NUP98: variants seen among roughly 807,000 people sequenced by gnomAD.
NUP98 encodes the protein nucleoporin 98 and 96 precursor.
A neutral mutation model predicts 191.9 loss-of-function variants in NUP98; 26 were observed. The observed-to-expected ratio is 0.14, with a 90% CI of 0.10 to 0.19. The LOEUF (loss-of-function observed/expected upper bound fraction) is 0.19, where lower values mean the gene tolerates loss of function less well. Ranked by LOEUF, NUP98 falls within the 10% of genes least tolerant of loss-of-function variation. The pLI, the probability that NUP98 is intolerant of heterozygous loss-of-function variation, is 1.00. For synonymous variants in NUP98, 808 were observed against 778.4 expected (o/e 1.04, Z -0.63); for missense variants, 1,941 against 2,178.8 (o/e 0.89, Z 2.17).
intron 10 of NUP98, among the ~76,000 whole-genome samples, chr11:3,757,673 C>A (rs1292598175): frequency 1.3e-5 from 2 of 151,870 alleles, no homozygotes; most frequent in Non-Finnish European, 2.9e-5. Flanking sequence ...GTGGTGCATG[C>A]CTGTAATCCC....
At chr11:3,742,840 G>A (rs370980186) in intron 12 of NUP98, among the ~76,000 whole-genome samples, 309 of 151,954 alleles carry the variant, frequency 2.0e-3, no homozygotes, top group Non-Finnish European at 3.5e-3. Context: ...ATGTAAGTAC[G>A]CAGCTTAAAT....
Position 3,771,785 on chromosome 11 carries a change from G to A in NUP98, c.747C>T (p.Gly249=). ...GLFSSSTTNS[G]FAYGQNKTAF... ...CAGTTTTGTTCTGACCATATGCAAA[G>A]CCTGAATTAGTGGTGGAGGAGCTGA... Residue 249 remains glycine, a synonymous_variant, in exon 7 of 33, where the codon GGC becomes GGT. Transcript: ENST00000324932. 6.2e-7 allele frequency: 1 copy of A among 1,614,128 alleles called. No homozygotes were observed. Among genetic ancestry groups the A allele is most frequent in the South Asian group, 1.1e-5 (1 of 91,084 alleles).
chr11:3,703,128 GCAA>G (rs1300185391), intron 22 of NUP98, among the ~76,000 whole-genome samples: 1 of 151,608 alleles, frequency 6.6e-6, no homozygotes, highest in African/African-American at 2.4e-5. Context: ...AATAATAAAA[GCAA>G]CAACACTATT....
intron 14 of NUP98, 107 bp from the exon 15 acceptor site, chr11:3,725,326 T>A (rs967056193): frequency 4.9e-6 from 3 of 617,826 alleles, no homozygotes; most frequent in Non-Finnish European, 8.7e-6. Context: ...TCTGCTCAAC[T>A]CTTGTACACC....
chr11:3,790,370 C>T (rs924600787), intron 1 of NUP98, among the ~76,000 whole-genome samples: 7 of 152,144 alleles, frequency 4.6e-5, no homozygotes, highest in Non-Finnish European at 1.0e-4. Context: ...ACCAGCTCTG[C>T]CCTATGAAGC....
intron 14 of NUP98, among the ~76,000 whole-genome samples, chr11:3,727,640 T>C (rs1403795235): frequency 3.3e-5 from 5 of 152,058 alleles, no homozygotes; most frequent in African/African-American, 7.2e-5. Flanking sequence ...GGTGGGGGGA[T>C]TGCTTGAGCC....
At chr11:3,778,236 C>T (rs1186600522) in intron 4 of NUP98, among the ~76,000 whole-genome samples, 1 of 145,436 alleles carries the variant, frequency 6.9e-6, no homozygotes, top group Non-Finnish European at 1.5e-5. Context: ...AAAGAAAATA[C>T]TGATGGCTGG....
At chr11:3,792,427 A>C (rs1390437384) in intron 1 of NUP98, among the ~76,000 whole-genome samples, 2 of 152,082 alleles carry the variant, frequency 1.3e-5, no homozygotes, top group Admixed American at 6.6e-5. Context: ...CATGGTCAAC[A>C]TGTTGAAACC....
intron 13 of NUP98, among the ~76,000 whole-genome samples, chr11:3,734,293 AG>A (rs2079963065): frequency 6.6e-6 from 1 of 152,178 alleles, no homozygotes; most frequent in Non-Finnish European, 1.5e-5. Flanking sequence ...TCGGACTCCC[AG>A]AGTGCTAGGA....
chr11:3,712,758 C>G, intron 19 of NUP98, 30 bp from the exon 20 acceptor site: 1 of 1,603,788 alleles, frequency 6.2e-7, no homozygotes, highest in Middle Eastern at 2.2e-4. Context: ...CACAAAACAA[C>G]TTAAACATTA....
At chr11:3,717,459 T>C (rs900858151) in intron 18 of NUP98, among the ~76,000 whole-genome samples, 1 of 152,192 alleles carries the variant, frequency 6.6e-6, no homozygotes, top group African/African-American at 2.4e-5. Flanking sequence ...GATGCTACTA[T>C]ATATATGAAA....
chr11:3,761,489 G>A (rs2081166048), intron 9 of NUP98, among the ~76,000 whole-genome samples: 1 of 152,154 alleles, frequency 6.6e-6, no homozygotes, highest in Non-Finnish European at 1.5e-5. Context: ...GCCAGGAGTG[G>A]TGGCTCACGT....
At chr11:3,785,298 G>C (rs146480718) in intron 1 of NUP98, among the ~76,000 whole-genome samples, 522 of 152,192 alleles carry the variant, frequency 3.4e-3, no homozygotes, top group Non-Finnish European at 5.9e-3. Flanking sequence ...CTGAAGCTTA[G>C]TAGCAATTCC....
intron 1 of NUP98, among the ~76,000 whole-genome samples, chr11:3,782,886 TAA>T (rs1209456788): frequency 6.6e-6 from 1 of 152,168 alleles, no homozygotes; most frequent in Non-Finnish European, 1.5e-5. Context: ...GTTTGCATTA[TAA>T]AGTTTCTTTC....
chr11:3,711,989 G>A, intron 20 of NUP98: 1 of 1,046,846 alleles, frequency 9.6e-7, no homozygotes, highest in Non-Finnish European at 1.2e-6. Context: ...ACAAGTAATT[G>A]CGATAAACAA....
intron 6 of NUP98, among the ~76,000 whole-genome samples, chr11:3,773,179 A>C (rs2081588541): frequency 6.6e-6 from 1 of 152,122 alleles, no homozygotes; most frequent in South Asian, 2.1e-4. Context: ...AGGAAGAAAA[A>C]TCGCTTGAGC....
chr11:3,687,789 C>T (rs765423785), intron 28 of NUP98, among the ~76,000 whole-genome samples: 1 of 152,328 alleles, frequency 6.6e-6, no homozygotes, highest in African/African-American at 2.4e-5. Context: ...AGGCCGGGTG[C>T]GGTGGCTCAC....
At position 3,775,883 on chromosome 11, in the gene NUP98, T is replaced by C. The variant is rs1230720915; in HGVS notation, c.494A>G (p.Asn165Ser). 1.9e-6 allele frequency: 3 copies of C among 1,608,324 alleles called. No homozygotes were observed. Among genetic ancestry groups the C allele is most frequent in the Non-Finnish European group, 2.5e-6 (3 of 1,178,476 alleles). ...AAPTGTTIKF[N>S]PPTGTDTMVK... Reference sequence around the variant, plus strand: ...CAAAGATTGGAAGAAAATACATACGTTAAATTTAATAGTAGTCCCAGTAGG... The same window carrying C: ...CAAAGATTGGAAGAAAATACATACGCTAAATTTAATAGTAGTCCCAGTAGG... Residue 165 changes from asparagine to serine, a missense_variant and splice_region_variant, in exon 5 of 33, where the codon AAC (asparagine) becomes AGC (serine). Transcript: ENST00000324932.
At chr11:3,737,471 G>C (rs1421096783) in intron 12 of NUP98, among the ~76,000 whole-genome samples, 4 of 151,884 alleles carry the variant, frequency 2.6e-5, no homozygotes. Flanking sequence ...TAACAAAATA[G>C]AAAAAATTAG....
Sources: gnomAD v4.1 joint callset for allele counts (sites outside exome capture counted in the v4.1 genomes callset) on GRCh38, gnomAD v4.1.1 for gene constraint, MANE v1.5 for transcripts, NCBI Gene and HGNC (gene_info 2026-07-23, HGNC 2026-07-21) for gene names.